Variants in MOB4 observed in about 807,000 individuals in gnomAD.
MOB4 encodes MOB-like protein phocein.
A neutral mutation model predicts 32.2 loss-of-function variants in MOB4; 4 were observed. The ratio of observed to expected loss-of-function variants is 0.12; its 90% CI spans 0.06 to 0.28. The LOEUF is 0.28. Ranked by LOEUF, MOB4 falls within the 10% of genes least tolerant of loss-of-function variation. The pLI is 1.00. For missense variants in MOB4, 158 were observed against 271.2 expected (o/e 0.58, Z 2.93); for synonymous variants, 88 against 88.1 (o/e 1.00, Z 0.01).
chr2:197,529,406 C>T (rs984925435), intron 2 of MOB4, among the ~76,000 whole-genome samples: 15 of 151,994 alleles, frequency 9.9e-5, no homozygotes, highest in South Asian at 2.1e-4. Flanking sequence ...GACTGGAGTA[C>T]GGTGGCGTGA....
At chr2:197,518,249 T>TTTTC (rs574461388) in intron 1 of MOB4, among the ~76,000 whole-genome samples, 18 of 152,068 alleles carry the variant, frequency 1.2e-4, no homozygotes, top group African/African-American at 1.9e-4. Flanking sequence ...TCTTTTTTCT[T>TTTTC]TTTCTTTCTT....
intron 5 of MOB4, among the ~76,000 whole-genome samples, chr2:197,543,540 G>A (rs975645250): frequency 1.3e-5 from 2 of 151,956 alleles, no homozygotes; most frequent in East Asian, 1.9e-4. Flanking sequence ...ATGAAGTTCT[G>A]ATACATGCTA....
chr2:197,531,266 G>C (rs899573141), intron 2 of MOB4, among the ~76,000 whole-genome samples: 3 of 151,744 alleles, frequency 2.0e-5, no homozygotes, highest in South Asian at 2.1e-4. Flanking sequence ...GGATGGTTTC[G>C]ATCTCCTGAC....
intron 5 of MOB4, among the ~76,000 whole-genome samples, chr2:197,544,480 G>A (rs773775843): frequency 2.1e-4 from 32 of 152,164 alleles, no homozygotes; most frequent in Admixed American, 4.6e-4. Flanking sequence ...CTGTCTGGGC[G>A]CGGTGGCTCA....
intron 1 of MOB4, among the ~76,000 whole-genome samples, chr2:197,518,481 C>G (rs1405047920): frequency 6.6e-6 from 1 of 150,462 alleles, no homozygotes; most frequent in Non-Finnish European, 1.5e-5. Context: ...AGGCTGGTCT[C>G]GAACTCCTGA....
rs145310048 is a variant in MOB4, at chr2:197,547,091, T to A, written c.355-1245T>A. 4.5e-3 allele frequency among the ~76,000 whole-genome samples: 654 copies of A among 146,678 alleles called. 16 individuals are homozygous for A. Among genetic ancestry groups the A allele is most frequent in the African/African-American group, 0.017 (619 of 36,292 alleles). ...TGAGACCTTCTTTCTTTCTTTTTTT[T>A]AAAGAAAATCGTAAGGAAGAGAAAA... On this transcript the variant is annotated intron_variant, in intron 5 of 7. Transcript: ENST00000323303.
intron 2 of MOB4, chr2:197,533,722 CAAAAAAAA>C: frequency 7.4e-6 from 1 of 135,496 alleles, no homozygotes; most frequent in Non-Finnish European, 1.4e-5. Flanking sequence ...CAAAACTCCT[CAAAAAAAA>C]AAAAAAAAAA....
intron 1 of MOB4, among the ~76,000 whole-genome samples, chr2:197,518,935 T>C (rs1333827455): frequency 6.6e-6 from 1 of 151,836 alleles, no homozygotes; most frequent in Non-Finnish European, 1.5e-5. Flanking sequence ...TTTTTTTGTA[T>C]TTTTAGTAGA....
chr2:197,523,735 G>A, intron 2 of MOB4, 49 bp downstream of exon 2: 2 of 1,549,036 alleles, frequency 1.3e-6, no homozygotes, highest in Non-Finnish European at 1.7e-6. Flanking sequence ...AGTACGATGT[G>A]TAAGTGCCCA....
At chr2:197,528,340 C>T (rs188298832) in intron 2 of MOB4, among the ~76,000 whole-genome samples, 98 of 152,112 alleles carry the variant, frequency 6.4e-4, no homozygotes, top group Non-Finnish European at 1.1e-3. Context: ...TGGGTACCTG[C>T]GCAGTTTACT....
intron 3 of MOB4, among the ~76,000 whole-genome samples, chr2:197,537,078 A>G (rs1490448993): frequency 6.6e-6 from 1 of 152,126 alleles, no homozygotes. Context: ...TCCAGTTCCT[A>G]GTCTAGGCTT....
At chr2:197,544,911 G>T (rs2086967991) in intron 5 of MOB4, among the ~76,000 whole-genome samples, 1 of 152,158 alleles carries the variant, frequency 6.6e-6, no homozygotes, top group Non-Finnish European at 1.5e-5. Context: ...AACAAGTGCT[G>T]ACGGGGATGT....
chr2:197,519,479 T>C (rs184166277), intron 1 of MOB4, among the ~76,000 whole-genome samples: 1 of 152,218 alleles, frequency 6.6e-6, no homozygotes, highest in African/African-American at 2.4e-5. Context: ...CATTCTGTTA[T>C]ATAGTTTAAA....
upstream of MOB4, chr2:197,515,975 C>T (rs1169831055): frequency 4.4e-6 from 5 of 1,131,270 alleles, no homozygotes; most frequent in African/African-American, 3.2e-5. Flanking sequence ...GCAGCTGTTC[C>T]GTCAGCTGCC....
rs186224355 is a variant in MOB4, at chr2:197,529,412, C to T, written c.123+5726C>T. On this transcript the variant is annotated intron_variant, in intron 2 of 7. Coordinates refer to ENST00000323303, the MANE Select transcript of MOB4 (RefSeq NM_015387.5). ...TGTCACCCAGACTGGAGTACGGTGG[C>T]GTGATCTTGGCTCACTGCAACCTCC... Among the ~76,000 whole-genome samples, 136 of 151,872 alleles carry T rather than the reference C, an allele frequency of 9.0e-4. 2 individuals are homozygous for T. The highest frequency in any genetic ancestry group is 6.7e-3 in the Admixed American group (102 of 15,238).
At position 197,526,156 on chromosome 2, in the gene MOB4, A is replaced by G. The variant is rs189384243; in HGVS notation, c.123+2470A>G. ...TTTTAGTTTTTCACTGTTGAGTATG[A>G]TGTTCACTATGGATTTTTCATATAT... On this transcript the variant is annotated intron_variant, in intron 2 of 7. Transcript: ENST00000323303. 1.8e-4 allele frequency among the ~76,000 whole-genome samples: 27 copies of G among 152,184 alleles called. No homozygotes were observed. In the East Asian group the frequency reaches 5.0e-3, roughly 28 times the overall value.
At chr2:197,539,586 G>A (rs2086863135) in intron 3 of MOB4, among the ~76,000 whole-genome samples, 1 of 152,036 alleles carries the variant, frequency 6.6e-6, no homozygotes, top group African/African-American at 2.4e-5. Flanking sequence ...CCAAAGTGTT[G>A]GGATTACAGG....
At chr2:197,548,692 T>A (rs1458192393) in intron 6 of MOB4, among the ~76,000 whole-genome samples, 1 of 149,138 alleles carries the variant, frequency 6.7e-6, no homozygotes, top group Non-Finnish European at 1.5e-5. Flanking sequence ...ATTTTTGTAT[T>A]TTTTTTTTTA....
chr2:197,521,156 C>T (rs1015320979), intron 1 of MOB4, among the ~76,000 whole-genome samples: 2 of 152,074 alleles, frequency 1.3e-5, no homozygotes, highest in African/African-American at 4.8e-5. Flanking sequence ...TTTCTATTTT[C>T]CCTAAGCATC....
Sources: gnomAD v4.1 joint callset for allele counts (sites outside exome capture counted in the v4.1 genomes callset) on GRCh38, gnomAD v4.1.1 for gene constraint, MANE v1.5 for transcripts, NCBI Gene and HGNC (gene_info 2026-07-23, HGNC 2026-07-21) for gene names.